RANBP17: variants seen among roughly 807,000 people sequenced by gnomAD.
RANBP17 encodes the protein ran-binding protein 17.
A neutral mutation model predicts 141.2 loss-of-function variants in RANBP17; 158 were observed. The ratio of observed to expected loss-of-function variants is 1.12; its 90% confidence interval spans 0.98 to 1.28. The LOEUF (loss-of-function observed/expected upper bound fraction) is 1.28, where lower values mean the gene tolerates loss of function less well. RANBP17 is among the 50% of genes most tolerant of loss of function. RANBP17 has a pLI of 0.00. For synonymous variants in RANBP17, 430 were observed against 450.0 expected, an observed-to-expected ratio of 0.96 and a Z score of 0.56; for missense variants, 1,438 against 1,290.7, an observed-to-expected ratio of 1.11 and a Z score of -1.75.
At chr5:170,968,536 T>G (rs1776760463) in intron 14 of RANBP17, 159 bp downstream of exon 14, 2 of 710,736 alleles carry the variant, frequency 2.8e-6, no homozygotes, top group Admixed American at 2.1e-5. Flanking sequence ...TTAAGTTGCT[T>G]GTTTTATACC....
At chr5:171,251,464 C>T (rs1471595350) in intron 24 of RANBP17, among the ~76,000 whole-genome samples, 1 of 150,732 alleles carries the variant, frequency 6.6e-6, no homozygotes, top group Non-Finnish European at 1.5e-5. Flanking sequence ...CCAAGAGGAA[C>T]TTGGAAACTA....
chr5:170,962,512 G>A (rs1317564175), intron 13 of RANBP17, among the ~76,000 whole-genome samples: 1 of 152,164 alleles, frequency 6.6e-6, no homozygotes, highest in Non-Finnish European at 1.5e-5. Context: ...TTAAAAACAA[G>A]ATACACCTTA....
At chr5:170,906,550 G>A (rs964415194) in intron 5 of RANBP17, among the ~76,000 whole-genome samples, 1 of 151,874 alleles carries the variant, frequency 6.6e-6, no homozygotes, top group Non-Finnish European at 1.5e-5. Context: ...CTCACCCATT[G>A]TAGACTTACT....
intron 20 of RANBP17, chr5:171,206,317 C>T (rs991480748): frequency 6.3e-6 from 1 of 158,692 alleles, no homozygotes; most frequent in Non-Finnish European, 1.4e-5. Context: ...AAAACAGATA[C>T]AATTCAGTAT....
chr5:170,947,798 G>C (rs1454747631), intron 12 of RANBP17, among the ~76,000 whole-genome samples: 1 of 152,096 alleles, frequency 6.6e-6, no homozygotes, highest in Non-Finnish European at 1.5e-5. Context: ...AATGGTCTCA[G>C]GGTATATGGT....
At chr5:171,122,868 C>A (rs1317803199) in intron 14 of RANBP17, among the ~76,000 whole-genome samples, 1 of 152,190 alleles carries the variant, frequency 6.6e-6, no homozygotes, top group East Asian at 1.9e-4. Context: ...GCCTTTGTAT[C>A]CCCACATACC....
At chr5:171,136,675 G>A (rs1445515929) in intron 14 of RANBP17, among the ~76,000 whole-genome samples, 1 of 152,100 alleles carries the variant, frequency 6.6e-6, no homozygotes, top group East Asian at 1.9e-4. Context: ...CTTATGAACT[G>A]GAGCCTCTTT....
At chr5:170,921,234 T>G (rs1033563375) in intron 11 of RANBP17, among the ~76,000 whole-genome samples, 4 of 152,240 alleles carry the variant, frequency 2.6e-5, no homozygotes, top group Non-Finnish European at 4.4e-5. Context: ...GTCTTACATT[T>G]AAGTCTTTAA....
chr5:171,211,215 C>G (rs926312626), intron 20 of RANBP17, among the ~76,000 whole-genome samples: 1 of 152,002 alleles, frequency 6.6e-6, no homozygotes, highest in Non-Finnish European at 1.5e-5. Context: ...ACCTTATTCT[C>G]ACATATACAC....
intron 14 of RANBP17, among the ~76,000 whole-genome samples, chr5:170,984,631 A>G (rs1188127865): frequency 1.3e-5 from 2 of 152,150 alleles, no homozygotes; most frequent in East Asian, 3.8e-4. Context: ...GTCTCAAAAA[A>G]CAAAAACAAA....
Position 171,082,551 on chromosome 5 carries a change from C to A in RANBP17, c.1711-87579C>A, listed in dbSNP as rs186844990. Among the ~76,000 whole-genome samples, 23 of 152,210 alleles carry A rather than the reference C, an allele frequency of 1.5e-4. No individual in the cohort carries two copies. The East Asian group carries it at 4.1e-3, about 27-fold the overall frequency. On this transcript the variant is annotated intron_variant, in intron 14 of 27. Coordinates refer to ENST00000523189, the MANE Select transcript of RANBP17 (RefSeq NM_022897.5). ...TCAACATTTTTACACTGACCCAGTA[C>A]CTCTAAAAAGAGAATGTAGTAGAAA... is the stretch of plus-strand genomic sequence containing the variant.
rs561480253 is a variant in RANBP17 at position 170,870,296 on chromosome 5, G to A, written c.19-7801G>A. Among the ~76,000 whole-genome samples the A allele has an allele frequency of 8.5e-4, 129 of 152,134 alleles. 1 individual carries two copies. Among genetic ancestry groups the A allele is most frequent in the South Asian group, 3.3e-3 (16 of 4,810 alleles). ...TATACATGTGCCGTGGTGGTTTGCC[G>A]CACCTGTTGACCCGTCACCTAGGTA... On this transcript the variant is annotated intron_variant, in intron 1 of 27. Transcript: ENST00000523189.
chr5:171,253,434 A>G (rs1329714382), intron 24 of RANBP17, among the ~76,000 whole-genome samples: 1 of 152,208 alleles, frequency 6.6e-6, no homozygotes, highest in East Asian at 1.9e-4. Flanking sequence ...GGTCTTTTCA[A>G]GAGTAAACCA....
intron 3 of RANBP17, among the ~76,000 whole-genome samples, chr5:170,890,655 T>A (rs1370300149): frequency 6.6e-6 from 1 of 152,178 alleles, no homozygotes; most frequent in Non-Finnish European, 1.5e-5. Flanking sequence ...AAAGTGGAAA[T>A]GGAGTTTTTT....
intron 25 of RANBP17, among the ~76,000 whole-genome samples, chr5:171,272,075 A>C (rs1457512491): frequency 6.6e-6 from 1 of 152,204 alleles, no homozygotes; most frequent in African/African-American, 2.4e-5. Context: ...TATTATCCTA[A>C]GCGAACTAAC....
intron 5 of RANBP17, 83 bp from the exon 6 acceptor site, chr5:170,909,578 C>CTTTTTTTT (rs386405668): frequency 1.7e-5 from 4 of 240,612 alleles, no homozygotes; most frequent in African/African-American, 1.3e-4. Flanking sequence ...AGTTTATTTC[C>CTTTTTTTT]TTTTTTTTTT....
chr5:171,112,559 A>C (rs1274000624), intron 14 of RANBP17, among the ~76,000 whole-genome samples: 1 of 152,072 alleles, frequency 6.6e-6, no homozygotes, highest in African/African-American at 2.4e-5. Flanking sequence ...GGAGGTTTAT[A>C]GACTGTCACC....
At chr5:171,035,045 AAG>A (rs1278110317) in intron 14 of RANBP17, among the ~76,000 whole-genome samples, 2 of 152,112 alleles carry the variant, frequency 1.3e-5, no homozygotes, top group African/African-American at 2.4e-5. Flanking sequence ...AAAATTAAAA[AAG>A]AGTAAGTGCT....
At chr5:170,862,450 C>A (rs1243429481) in intron 1 of RANBP17, among the ~76,000 whole-genome samples, 1 of 152,194 alleles carries the variant, frequency 6.6e-6, no homozygotes, top group African/African-American at 2.4e-5. Flanking sequence ...GGTGGAGCAG[C>A]CTTCCCGCCT....
Sources: gnomAD v4.1 joint callset for allele counts (sites outside exome capture counted in the v4.1 genomes callset) on GRCh38, gnomAD v4.1.1 for gene constraint, MANE v1.5 for transcripts, NCBI Gene and HGNC (gene_info 2026-07-23, HGNC 2026-07-21) for gene names.